SLC28A3: variants seen among roughly 807,000 people sequenced by gnomAD.
The protein encoded by SLC28A3 is solute carrier family 28 member 3.
Under a neutral mutation model 84.2 loss-of-function variants are expected in SLC28A3, and 68 were observed. That is an observed-to-expected ratio of 0.81 (90% CI 0.66 to 0.99). The LOEUF is 0.99. Ranked by LOEUF, SLC28A3 falls within the 50% of genes least tolerant of loss-of-function variation. The probability of loss-of-function intolerance (pLI) is 0.00; values close to 1 mark genes in which losing one functional copy is unlikely to be tolerated. For missense variants in SLC28A3, 712 were observed against 841.5 expected (o/e 0.85, Z 1.90); for synonymous variants, 267 against 303.6 (o/e 0.88, Z 1.25).
At chr9:84,302,475 G>T in intron 4 of SLC28A3, 86 bp from the exon 5 acceptor site, 2 of 1,360,458 alleles carry the variant, frequency 1.5e-6, no homozygotes, top group Non-Finnish European at 1.0e-6. Flanking sequence ...GCGCAGGTGA[G>T]GGGAGGTTTA....
intron 17 of SLC28A3, among the ~76,000 whole-genome samples, chr9:84,278,878 G>GAAA (rs34802574): frequency 2.5e-5 from 3 of 120,758 alleles, no homozygotes; most frequent in African/African-American, 8.9e-5. Flanking sequence ...TTTGTGGAAT[G>GAAA]AAAAAAAAAA....
In SLC28A3 at chr9:84,305,239, A is replaced by G. The variant is rs1347715911; in HGVS notation, c.334+15T>C. On this transcript the variant is annotated intron_variant, in intron 4 of 17. Coordinates refer to ENST00000376238, the MANE Select transcript of SLC28A3 (RefSeq NM_001199633.2). ...AAAAAAGACAGTGGTATCCCTAACCATCTTTGTTATTTACCTGCTAATAAA... is the reference window on the plus strand; with the variant it reads ...AAAAAAGACAGTGGTATCCCTAACCGTCTTTGTTATTTACCTGCTAATAAA... 5.6e-6 allele frequency: 9 copies of G among 1,594,052 alleles called. No individual in the cohort carries two copies. The highest frequency in any genetic ancestry group is 7.7e-6 in the Non-Finnish European group (9 of 1,169,686).
chr9:84,340,806 T>G (rs1257546618), upstream of SLC28A3: 98 of 526,804 alleles, frequency 1.9e-4, no homozygotes, highest in East Asian at 3.3e-4. Context: ...GACACCTGGT[T>G]GGGGTGGGGC....
chr9:84,332,873 T>A (rs1588624309), intron 1 of SLC28A3, among the ~76,000 whole-genome samples: 1 of 152,210 alleles, frequency 6.6e-6, no homozygotes, highest in East Asian at 1.9e-4. Context: ...ATAATTAACT[T>A]TTGTTCCTCA....
chr9:84,294,268 G>A lies in SLC28A3; in HGVS notation c.869C>T (p.Pro290Leu), dbSNP rs368679909. The A allele has an allele frequency of 1.1e-5, 18 of 1,613,948 alleles. No homozygotes were observed. The highest frequency in any genetic ancestry group is 2.2e-5 in the East Asian group (1 of 44,896). The change falls in exon 9 of 18, where the codon CCG becomes CTG. Residue 290 changes from proline to leucine, a missense_variant. Coordinates refer to ENST00000376238, the MANE Select transcript of SLC28A3 (RefSeq NM_001199633.2). The part of the protein sequence containing the change: ...KDHFFAFKVL[P>L]IVVFFSTVMS... ...CACAGTGCTGAAGAAAACCACGATC[G>A]GCAGGACCTGTGGGGACAGAAACAA...
At position 84,302,269 on chromosome 9, in the gene SLC28A3, T is replaced by G. The variant is rs1432634996; in HGVS notation, c.455A>C (p.Glu152Ala). 6.2e-7 allele frequency: 1 copy of G among 1,614,120 alleles called. No homozygotes were observed. The highest frequency in any genetic ancestry group is 8.5e-7 in the Non-Finnish European group (1 of 1,180,002). ...VVWDHLMAKYEHRIDEMLSPG... is the reference protein window; with the variant it reads ...VVWDHLMAKYAHRIDEMLSPG... ...AGACAGCATCTCATCAATTCGATGT[T>G]CGTATTTGGCCATCAGGTGATCCCA... The change falls in exon 5 of 18, where the codon GAA (glutamate) becomes GCA (alanine). Residue 152 changes from glutamate (E) to alanine (A), a missense_variant. Physicochemically the swap from Glu to Ala is moderately radical, Grantham distance 107. Coordinates refer to ENST00000376238, the MANE Select transcript of SLC28A3 (RefSeq NM_001199633.2).
chr9:84,294,687 G>C (rs1421774688), intron 8 of SLC28A3, among the ~76,000 whole-genome samples: 1 of 151,486 alleles, frequency 6.6e-6, no homozygotes, highest in African/African-American at 2.4e-5. Context: ...TAGAGATCAG[G>C]TAAGGCATGG....
the SLC28A3 span, among the ~76,000 whole-genome samples, chr9:84,355,906 C>T: frequency 5.3e-5 from 8 of 152,132 alleles, no homozygotes; most frequent in Non-Finnish European, 1.2e-4. Flanking sequence ...CTTGACCTCC[C>T]TGGTCTCAGG....
At position 84,282,216 on chromosome 9, in the gene SLC28A3, G is replaced by T. The variant is rs1824783109; in HGVS notation, c.1648-1334C>A. Among the ~76,000 whole-genome samples the T allele has an allele frequency of 2.6e-5, 4 of 152,018 alleles. No homozygotes were observed. The South Asian group carries it at 8.3e-4, about 32-fold the overall frequency. On this transcript the variant is annotated intron_variant, in intron 14 of 17. Transcript: ENST00000376238. ...TACAGTGAAAGACTGGCTATTGGTT[G>T]CCTGGGACTAGGTCTTCGGATGGGG...
At chr9:84,312,270 CAATT>C (rs1826015374) in intron 2 of SLC28A3, among the ~76,000 whole-genome samples, 1 of 152,118 alleles carries the variant, frequency 6.6e-6, no homozygotes, top group Non-Finnish European at 1.5e-5. Flanking sequence ...TTTTTACAAT[CAATT>C]AAGCAAAATA....
chr9:84,321,181 G>T (rs954322704), intron 1 of SLC28A3, among the ~76,000 whole-genome samples: 3 of 152,038 alleles, frequency 2.0e-5, no homozygotes, highest in Admixed American at 6.6e-5. Flanking sequence ...CCTTCCAGTA[G>T]ATGAGAAAGA....
At chr9:84,365,298 TG>T in the SLC28A3 span, among the ~76,000 whole-genome samples, 6,675 of 152,284 alleles carry the variant, frequency 0.044, 206 homozygotes, top group African/African-American at 0.089. Context: ...TTCATATGCC[TG>T]TTTGCCATTT....
At position 84,280,845 on chromosome 9, in the gene SLC28A3, C is replaced by A. The variant is rs1339105870; in HGVS notation, c.1685G>T (p.Gly562Val). 6.2e-7 allele frequency: 1 copy of A among 1,614,096 alleles called. No homozygotes were observed. Among genetic ancestry groups the A allele is most frequent in the Non-Finnish European group, 8.5e-7 (1 of 1,180,016 alleles). Reference sequence around the variant, plus strand: ...TCCTAGGGACCCGATATTGGCAAAACCACAGAGAGCGTAAGTGGCGATTAT... The same window carrying A: ...TCCTAGGGACCCGATATTGGCAAAAACACAGAGAGCGTAAGTGGCGATTAT... ...SEIIATYALC[G>V]FANIGSLGIV... The change falls in exon 15 of 18, where the codon GGT (glycine) becomes GTT (valine). Residue 562 changes from glycine to valine, a missense_variant. Physicochemically the swap from Gly to Val is moderately radical, Grantham distance 109 (BLOSUM62 -3). Coordinates refer to ENST00000376238, the MANE Select transcript of SLC28A3 (RefSeq NM_001199633.2).
intron 10 of SLC28A3, among the ~76,000 whole-genome samples, chr9:84,290,775 C>T (rs1825183393): frequency 6.6e-6 from 1 of 152,156 alleles, no homozygotes; most frequent in South Asian, 2.1e-4. Context: ...CTTCCAACTT[C>T]ACCTTGACAG....
At chr9:84,304,931 A>G (rs890512736) in intron 4 of SLC28A3, among the ~76,000 whole-genome samples, 1 of 152,188 alleles carries the variant, frequency 6.6e-6, no homozygotes, top group African/African-American at 2.4e-5. Flanking sequence ...CTGAGGCAGG[A>G]GAATCACTTG....
At chr9:84,332,654 T>C (rs574588497) in intron 1 of SLC28A3, among the ~76,000 whole-genome samples, 1 of 152,314 alleles carries the variant, frequency 6.6e-6, no homozygotes, top group South Asian at 2.1e-4. Flanking sequence ...TTTGGAGCCA[T>C]TTGATTGTAC....
At chr9:84,300,778 C>G (rs1291089343) in intron 5 of SLC28A3, among the ~76,000 whole-genome samples, 1 of 152,158 alleles carries the variant, frequency 6.6e-6, no homozygotes, top group Non-Finnish European at 1.5e-5. Context: ...TAACACTTCA[C>G]AGGCCCTTCC....
rs537346794 is a variant in SLC28A3, at chr9:84,322,044, C to T, written c.61-8590G>A. Among the ~76,000 whole-genome samples, 19 of 152,238 alleles carry T rather than the reference C, an allele frequency of 1.2e-4. No individual in the cohort carries two copies. In the South Asian group the frequency reaches 2.5e-3, roughly 20 times the overall value. ...CAGCCTGGAAGACAGAGCGAGACTC[C>T]GTCTCAACAACAACAACAAGAAGAA... is the stretch of plus-strand genomic sequence containing the variant. On this transcript the variant is annotated intron_variant, in intron 1 of 17. Transcript: ENST00000376238.
At chr9:84,322,915 A>G (rs910056073) in intron 1 of SLC28A3, among the ~76,000 whole-genome samples, 3 of 152,208 alleles carry the variant, frequency 2.0e-5, no homozygotes, top group African/African-American at 7.2e-5. Context: ...ATAGATCAGA[A>G]TGACTCAAGA....
Sources: gnomAD v4.1 joint callset for allele counts (sites outside exome capture counted in the v4.1 genomes callset) on GRCh38, gnomAD v4.1.1 for gene constraint, MANE v1.5 for transcripts, NCBI Gene and HGNC (gene_info 2026-07-23, HGNC 2026-07-21) for gene names.